SPAG16: variants seen among roughly 807,000 people sequenced by gnomAD.
The protein encoded by SPAG16 is sperm associated antigen 16, also known as sperm-associated antigen 16 protein.
Under a neutral mutation model 80.4 loss-of-function variants are expected in SPAG16, and 86 were observed. The ratio of observed to expected loss-of-function variants is 1.07; its 90% CI spans 0.90 to 1.28. The LOEUF (loss-of-function observed/expected upper bound fraction) is 1.28, where lower values mean the gene tolerates loss of function less well. Among genes scored for constraint, SPAG16 ranks in the 50% most tolerant of loss-of-function variants. The pLI, the probability that SPAG16 is intolerant of heterozygous loss-of-function variation, is 0.00. For synonymous variants in SPAG16, 294 were observed against 265.9 expected, an observed-to-expected ratio of 1.11 and a Z score of -1.03; for missense variants, 870 against 765.3, an observed-to-expected ratio of 1.14 and a Z score of -1.61.
At chr2:213,557,958 C>T (rs927694644) in intron 10 of SPAG16, among the ~76,000 whole-genome samples, 1 of 151,984 alleles carries the variant, frequency 6.6e-6, no homozygotes, top group Non-Finnish European at 1.5e-5. Context: ...GTAAAATGTT[C>T]ATTATAGGCA....
At chr2:213,469,534 C>T (rs964724799) in intron 9 of SPAG16, among the ~76,000 whole-genome samples, 2 of 135,698 alleles carry the variant, frequency 1.5e-5, no homozygotes, top group Non-Finnish European at 3.1e-5. Context: ...ACTACCCATT[C>T]TGTATTCCCT....
chr2:213,315,837 G>A (rs1369380207), intron 4 of SPAG16, among the ~76,000 whole-genome samples: 2 of 151,878 alleles, frequency 1.3e-5, no homozygotes, highest in African/African-American at 4.8e-5. Context: ...CCTGGGCACA[G>A]CTCTCAGATT....
intron 3 of SPAG16, among the ~76,000 whole-genome samples, chr2:213,300,939 G>A (rs1250209242): frequency 6.6e-6 from 1 of 151,974 alleles, no homozygotes; most frequent in Non-Finnish European, 1.5e-5. Context: ...TTGCTATTAT[G>A]TTAATATACC....
chr2:214,363,794 T>C (rs535792678), intron 15 of SPAG16, among the ~76,000 whole-genome samples: 69 of 152,114 alleles, frequency 4.5e-4, no homozygotes, highest in Non-Finnish European at 8.4e-4. Flanking sequence ...TGGTGTTAGC[T>C]AATTTCTAGG....
At chr2:214,146,437 A>C (rs916836218) in intron 14 of SPAG16, among the ~76,000 whole-genome samples, 2 of 152,192 alleles carry the variant, frequency 1.3e-5, no homozygotes, top group Non-Finnish European at 2.9e-5. Context: ...TAAGTGATTC[A>C]GACCTATCAG....
chr2:214,380,050 G>C (rs1700359808), intron 15 of SPAG16, among the ~76,000 whole-genome samples: 1 of 152,168 alleles, frequency 6.6e-6, no homozygotes, highest in Admixed American at 6.5e-5. Flanking sequence ...CAGACATAGT[G>C]CCTGACCCCT....
chr2:213,620,887 AAC>A (rs2061758332), intron 10 of SPAG16, among the ~76,000 whole-genome samples: 1 of 152,178 alleles, frequency 6.6e-6, no homozygotes, highest in African/African-American at 2.4e-5. Context: ...AAGAAATTGA[AAC>A]ACATCAGAGT....
At chr2:213,911,444 C>T (rs556951508) in intron 11 of SPAG16, among the ~76,000 whole-genome samples, 2 of 152,186 alleles carry the variant, frequency 1.3e-5, no homozygotes, top group African/African-American at 4.8e-5. Context: ...GGTGCCCTGC[C>T]AATAGTTACA....
At chr2:213,654,648 C>T (rs1031271231) in intron 10 of SPAG16, among the ~76,000 whole-genome samples, 56 of 149,102 alleles carry the variant, frequency 3.8e-4, no homozygotes, top group Admixed American at 3.2e-3. Flanking sequence ...ACCCAGGAGG[C>T]GGAGCTTGAA....
intron 10 of SPAG16, among the ~76,000 whole-genome samples, chr2:213,567,155 AAC>A (rs1314787059): frequency 4.8e-4 from 68 of 141,750 alleles, no homozygotes; most frequent in African/African-American, 1.7e-3. Flanking sequence ...ATTTCTAATC[AAC>A]ACAGATTCTT....
intron 15 of SPAG16, among the ~76,000 whole-genome samples, chr2:214,393,913 T>A (rs1298842572): frequency 2.6e-5 from 4 of 152,132 alleles, no homozygotes. Context: ...GGAATCTTTC[T>A]CCAGTCATAG....
chr2:213,695,379 G>T (rs770572048), intron 10 of SPAG16, among the ~76,000 whole-genome samples: 11 of 152,052 alleles, frequency 7.2e-5, no homozygotes, highest in Non-Finnish European at 1.5e-4. Context: ...TATACTATCC[G>T]CTAAACTGTC....
chr2:214,055,807 A>G (rs1487119060), intron 13 of SPAG16, among the ~76,000 whole-genome samples: 2 of 152,174 alleles, frequency 1.3e-5, no homozygotes, highest in Non-Finnish European at 2.9e-5. Context: ...ATTGGAGCAC[A>G]TTTCTTGTTT....
intron 13 of SPAG16, among the ~76,000 whole-genome samples, chr2:214,028,028 GT>G (rs1269031563): frequency 6.6e-6 from 1 of 151,794 alleles, no homozygotes; most frequent in Non-Finnish European, 1.5e-5. Flanking sequence ...CTTCTTAACT[GT>G]TTTCTGGAAC....
At chr2:214,062,919 TGA>T (rs1256625658) in intron 13 of SPAG16, among the ~76,000 whole-genome samples, 1 of 152,174 alleles carries the variant, frequency 6.6e-6, no homozygotes, top group Non-Finnish European at 1.5e-5. Context: ...AAATGTAATG[TGA>T]GTCACATATG....
At chr2:214,280,066 T>C (rs1011929491) in intron 15 of SPAG16, among the ~76,000 whole-genome samples, 2 of 152,184 alleles carry the variant, frequency 1.3e-5, no homozygotes, top group African/African-American at 2.4e-5. Context: ...TTTAAGACAC[T>C]AGAAGACATG....
At chr2:214,027,488 G>C (rs560451692) in intron 13 of SPAG16, among the ~76,000 whole-genome samples, 60 of 151,620 alleles carry the variant, frequency 4.0e-4, no homozygotes, top group Non-Finnish European at 5.2e-4. Flanking sequence ...ACATTTGTCA[G>C]TTCTTTTCAT....
chr2:213,761,503 C>T (rs1199101066), intron 10 of SPAG16, among the ~76,000 whole-genome samples: 3 of 152,072 alleles, frequency 2.0e-5, no homozygotes, highest in African/African-American at 7.2e-5. Context: ...ATTTACAAAA[C>T]TTTAGCTAAA....
chr2:213,718,198 A>C, intron 10 of SPAG16, among the ~76,000 whole-genome samples: 1 of 151,736 alleles, frequency 6.6e-6, no homozygotes, highest in Non-Finnish European at 1.5e-5. Flanking sequence ...GGCAAAGGAT[A>C]TGAACAGACA....
Sources: gnomAD v4.1 joint callset for allele counts (sites outside exome capture counted in the v4.1 genomes callset) on GRCh38, gnomAD v4.1.1 for gene constraint, MANE v1.5 for transcripts, NCBI Gene and HGNC (gene_info 2026-07-23, HGNC 2026-07-21) for gene names.